The following IFI44 variants were observed in gnomAD, a reference collection of about 807,000 sequenced individuals.
IFI44 encodes interferon-induced protein 44.
Under a neutral mutation model 45.0 loss-of-function variants are expected in IFI44, and 42 were observed. The observed-to-expected ratio is 0.93, with a 90% CI of 0.73 to 1.21. The LOEUF is 1.21. Ranked by LOEUF, IFI44 falls within the 50% of genes most tolerant of loss-of-function variation. The pLI, the probability that IFI44 is intolerant of heterozygous loss-of-function variation, is 0.00. For missense variants in IFI44, 623 were observed against 525.8 expected, an observed-to-expected ratio of 1.18 and a Z score of -1.81; for synonymous variants, 221 against 188.6, an observed-to-expected ratio of 1.17 and a Z score of -1.41.
intron 7 of IFI44, 52 bp downstream of exon 7, chr1:78,660,706 T>A (rs979353119): frequency 1.8e-6 from 2 of 1,120,170 alleles, no homozygotes; most frequent in African/African-American, 3.1e-5. Context: ...GTTACTACAA[T>A]CACATACTAG....
intron 7 of IFI44, 24 bp from the exon 8 acceptor site, chr1:78,662,680 G>T: frequency 6.5e-7 from 1 of 1,545,964 alleles, no homozygotes; most frequent in Non-Finnish European, 8.9e-7. Flanking sequence ...GTTTTGCAAT[G>T]TCTTTTTAAT....
chr1:78,655,177 GT>G lies in IFI44; in HGVS notation c.659del (p.Val220GlyfsTer36). Reference sequence around the variant, plus strand: ...AGGGCATGTAACGCATCAGGCTTTGGTGGGCACTAATACAACTGGGATATCT... The same window carrying G: ...AGGGCATGTAACGCATCAGGCTTTGGGGGCACTAATACAACTGGGATATCT... ...FQGHVTHQAL[V>X]GTNTTGISEK... On this transcript the variant is annotated frameshift_variant, in exon 4 of 9. Transcript: ENST00000370747. LOFTEE classifies it high-confidence loss of function. The G allele has an allele frequency of 6.2e-7, 1 of 1,613,912 alleles. No individual in the cohort carries two copies.
intron 8 of IFI44, chr1:78,663,109 A>G (rs1647563771): frequency 9.1e-6 from 9 of 985,070 alleles, no homozygotes; most frequent in Non-Finnish European, 9.6e-6. Flanking sequence ...TTGTCTTGAG[A>G]TGAAAGTTTT....
In IFI44 at chr1:78,663,947, G is replaced by A. The variant is rs546820545; in HGVS notation, c.*136G>A. On this transcript the variant is annotated 3_prime_UTR_variant, in exon 9 of 9. Transcript: ENST00000370747. The stretch of plus-strand genomic sequence containing the variant: ...AATGTCTAGGATGAAGAAATGCATA[G>A]AACATTGTAGTACTTGTAAATAACT... 8 of 608,852 alleles carry A rather than the reference G, an allele frequency of 1.3e-5. No homozygotes were observed. The Admixed American group carries it at 2.1e-4, about 16-fold the overall frequency. 37.7% of individuals were successfully genotyped at this position (608,852 alleles called of 1,614,324 possible).
Position 78,664,018 on chromosome 1 carries a change from T to G in IFI44, c.*207T>G. ...ATAATTGTGAAAAATAATAATAATT[T>G]TTCTTGGATTTATGTTCTGTATCTG... is the stretch of plus-strand genomic sequence containing the variant. On this transcript the variant is annotated 3_prime_UTR_variant, in exon 9 of 9. Transcript: ENST00000370747. 1 of 393,864 alleles carries G rather than the reference T, an allele frequency of 2.5e-6. No individual in the cohort carries two copies. The highest frequency in any genetic ancestry group is 8.9e-5 in the South Asian group (1 of 11,174). The allele number at this position is 393,864 out of a possible 1,614,324, so 24.4% of individuals were successfully genotyped here.
chr1:78,660,347 A>G (rs1311923857), intron 6 of IFI44, among the ~76,000 whole-genome samples: 1 of 152,136 alleles, frequency 6.6e-6, no homozygotes, highest in South Asian at 2.1e-4. Context: ...ATTGAAATCA[A>G]TGAAGGTGAC....
At position 78,663,735 on chromosome 1, in the gene IFI44, A is replaced by G. The variant is rs761219592; in HGVS notation, c.1289-30A>G. ...CTGGTTGCCTTTCCTGAGATAATCC[A>G]CTAAGAATATTTTGTGTTTCTTTTC... On this transcript the variant is annotated intron_variant, in intron 8 of 8. Transcript: ENST00000370747. The G allele has an allele frequency of 3.8e-5, 61 of 1,608,532 alleles. No individual in the cohort carries two copies. The East Asian group carries it at 1.3e-3, about 35-fold the overall frequency.
intron 7 of IFI44, 182 bp from the exon 8 acceptor site, chr1:78,662,522 A>G (rs1647521845): frequency 3.5e-6 from 2 of 566,428 alleles, no homozygotes; most frequent in Non-Finnish European, 6.2e-6. Context: ...TACAATTATC[A>G]GTGACATTAG....
chr1:78,663,908 G>T lies in IFI44; in HGVS notation c.*97G>T, dbSNP rs188964448. 3.2e-4 allele frequency: 366 copies of T among 1,140,410 alleles called. 4 individuals carry two copies. Among genetic ancestry groups the T allele is most frequent in the Non-Finnish European group, 2.9e-4 (231 of 807,082 alleles). 70.6% of individuals were successfully genotyped at this position (1,140,410 alleles called of 1,614,324 possible). ...CAAAGAGAAGTATCTAAGACCAAAG[G>T]GATGTGTTTTATTAATGTCTAGGAT... On this transcript the variant is annotated 3_prime_UTR_variant, in exon 9 of 9. Coordinates refer to ENST00000370747, the MANE Select transcript of IFI44 (RefSeq NM_006417.5).
chr1:78,651,768 T>C (rs1281210607), intron 2 of IFI44, among the ~76,000 whole-genome samples: 1 of 152,158 alleles, frequency 6.6e-6, no homozygotes, highest in East Asian at 1.9e-4. Context: ...TATTTTAGAT[T>C]CCTCATATAA....
In IFI44 at chr1:78,655,375, CT is replaced by C; in HGVS notation, c.705del (p.Ile236LeufsTer20). 1 of 1,612,124 alleles carries C rather than the reference CT, an allele frequency of 6.2e-7. No homozygotes were observed. The highest frequency in any genetic ancestry group is 8.5e-7 in the Non-Finnish European group (1 of 1,179,078). On this transcript the variant is annotated frameshift_variant, in exon 5 of 9. Transcript: ENST00000370747. LOFTEE classifies it high-confidence loss of function. ...TGISEKYRTYSIRDGKDGKYL... is the reference protein window; with the variant it reads ...TGISEKYRTYXIRDGKDGKYL... The stretch of plus-strand genomic sequence containing the variant: ...TCCCCTCTACAGTATAGGACATACT[CT>C]ATTAGAGACGGGAAAGATGGCAAAT...
At position 78,655,428 on chromosome 1, in the gene IFI44, C is replaced by G. The variant is rs1443788293; in HGVS notation, c.757C>G (p.Leu253Val). The G allele has an allele frequency of 6.2e-7, 1 of 1,613,658 alleles. No homozygotes were observed. Among genetic ancestry groups the G allele is most frequent in the Non-Finnish European group, 8.5e-7 (1 of 1,179,658 alleles). The change falls in exon 5 of 9, where the codon CTG becomes GTG. Residue 253 changes from leucine to valine, a missense_variant. By Grantham distance (32) the Leu-to-Val change is conservative. Coordinates refer to ENST00000370747, the MANE Select transcript of IFI44 (RefSeq NM_006417.5). Reference sequence around the variant, plus strand: ...CCTGCCGTTTATTCTGTGTGACTCACTGGGGCTGAGTGAGAAAGAAGGCGG... The same window carrying G: ...CCTGCCGTTTATTCTGTGTGACTCAGTGGGGCTGAGTGAGAAAGAAGGCGG... ...KYLPFILCDS[L>V]GLSEKEGGLC... is the part of the protein sequence containing the mutation.
chr1:78,662,283 A>G (rs1197618183), intron 7 of IFI44, among the ~76,000 whole-genome samples: 2 of 152,224 alleles, frequency 1.3e-5, no homozygotes, highest in African/African-American at 2.4e-5. Flanking sequence ...AACATCTGCC[A>G]ACGTTTATTG....
intron 2 of IFI44, among the ~76,000 whole-genome samples, chr1:78,652,472 C>T (rs552843974): frequency 1.3e-5 from 2 of 152,294 alleles, no homozygotes; most frequent in East Asian, 3.9e-4. Context: ...TGGGAAATAT[C>T]ATTAGTCTAT....
rs1356256656 is a variant in IFI44 at position 78,662,766 on chromosome 1, T to C, written c.1176T>C (p.Tyr392=). 5 of 1,601,530 alleles carry C rather than the reference T, an allele frequency of 3.1e-6. No homozygotes were observed. The African/African-American group carries it at 7.0e-5, about 22-fold the overall frequency. Residue 392 remains tyrosine (Y), a synonymous_variant, in exon 8 of 9, where the codon TAT becomes TAC. Coordinates refer to ENST00000370747, the MANE Select transcript of IFI44 (RefSeq NM_006417.5). ...CTGACATCTCGGTGGTTAGCAATTA[T>C]TCCTCTGAGTGGGAGCTGGACCCTG... ...ALSDISVVSN[Y]SSEWELDPVK... is the part of the protein sequence containing the mutation.
chr1:78,654,418 C>A (rs1647172918), intron 3 of IFI44, 139 bp downstream of exon 3: 3 of 516,566 alleles, frequency 5.8e-6, no homozygotes, highest in South Asian at 6.1e-5. Flanking sequence ...TATTTATAAT[C>A]ATAAAATATT....
intron 8 of IFI44, 176 bp from the exon 9 acceptor site, chr1:78,663,589 C>T (rs1570408242): frequency 1.0e-6 from 1 of 985,386 alleles, no homozygotes; most frequent in Non-Finnish European, 1.2e-6. Flanking sequence ...TCTCATGTTA[C>T]TAACTTTGTT....
At position 78,663,669 on chromosome 1, in the gene IFI44, C is replaced by T. The variant is rs374172100; in HGVS notation, c.1289-96C>T. 84 of 1,535,108 alleles carry T rather than the reference C, an allele frequency of 5.5e-5. 1 individual carries two copies. The South Asian group carries it at 7.5e-4, about 14-fold the overall frequency. Reference sequence around the variant, plus strand: ...ATGGTACGTGTGCTCCTAATATTAGCGTTGGTTGAGATTTTCAGTGGTCCA... The same window carrying T: ...ATGGTACGTGTGCTCCTAATATTAGTGTTGGTTGAGATTTTCAGTGGTCCA... On this transcript the variant is annotated intron_variant, in intron 8 of 8. Transcript: ENST00000370747.
rs74092055 is a variant in IFI44 at position 78,651,472 on chromosome 1, G to C, written c.457+820G>C. 2.4e-3 allele frequency among the ~76,000 whole-genome samples: 372 copies of C among 152,218 alleles called. 3 individuals are homozygous for C. The highest frequency in any genetic ancestry group is 7.5e-3 in the African/African-American group (313 of 41,530). On this transcript the variant is annotated intron_variant, in intron 2 of 8. Transcript: ENST00000370747. ...TTCAGGCTGTAATATGAGCAATGGGGAGCAGCTGTAAATACAGATGAAGCT... is the reference window on the plus strand; with the variant it reads ...TTCAGGCTGTAATATGAGCAATGGGCAGCAGCTGTAAATACAGATGAAGCT...
Sources: gnomAD v4.1 joint callset for allele counts (sites outside exome capture counted in the v4.1 genomes callset) on GRCh38, gnomAD v4.1.1 for gene constraint, MANE v1.5 for transcripts, NCBI Gene and HGNC (gene_info 2026-07-23, HGNC 2026-07-21) for gene names.